CD2AP: variants seen among roughly 807,000 people sequenced by gnomAD.
CD2AP encodes CD2-associated protein.
In CD2AP, 46 loss-of-function variants were observed where a neutral mutation model predicts 85.1. The observed-to-expected ratio is 0.54, with a 90% CI of 0.43 to 0.69. The LOEUF is 0.69. CD2AP is among the 30% of genes least tolerant of loss of function. CD2AP has a pLI of 0.00. For missense variants in CD2AP, 769 were observed against 729.5 expected (o/e 1.05, Z -0.62); for synonymous variants, 255 against 252.9 (o/e 1.01, Z -0.08).
At chr6:47,556,886 T>A (rs990785799) in intron 5 of CD2AP, among the ~76,000 whole-genome samples, 5 of 152,188 alleles carry the variant, frequency 3.3e-5, no homozygotes, top group Admixed American at 6.5e-5. Context: ...TCTAGATCCT[T>A]GAGGAATTGC....
chr6:47,597,007 G>T (rs1464563409), intron 12 of CD2AP, among the ~76,000 whole-genome samples: 2 of 151,430 alleles, frequency 1.3e-5, no homozygotes, highest in Non-Finnish European at 3.0e-5. Flanking sequence ...TTGAAAGCTG[G>T]ATATGTAAAC....
At chr6:47,530,525 C>G (rs1042481223) in intron 2 of CD2AP, among the ~76,000 whole-genome samples, 3 of 152,102 alleles carry the variant, frequency 2.0e-5, no homozygotes, top group Non-Finnish European at 4.4e-5. Flanking sequence ...GTATCAATAA[C>G]TTCTTCATTT....
rs1361258865 is a variant in CD2AP, at chr6:47,625,309, A to G, written c.*1082A>G. ...CGATGTATAATTTACCTAATAGACC[A>G]AACTAACTCATGGAGATATTTTGAA... is the stretch of plus-strand genomic sequence containing the variant. On this transcript the variant is annotated 3_prime_UTR_variant, in exon 18 of 18. Transcript: ENST00000359314. The G allele has an allele frequency of 1.3e-5, 2 of 151,964 alleles. No individual in the cohort carries two copies. The highest frequency in any genetic ancestry group is 2.4e-5 in the African/African-American group (1 of 41,448). 9.4% of individuals were successfully genotyped at this position (151,964 alleles called of 1,614,324 possible).
At chr6:47,552,590 C>T (rs1430837759) in intron 4 of CD2AP, among the ~76,000 whole-genome samples, 1 of 152,100 alleles carries the variant, frequency 6.6e-6, no homozygotes, top group Non-Finnish European at 1.5e-5. Context: ...TATATTTTTG[C>T]AATTGCAGAT....
chr6:47,532,413 AC>A (rs1766911989), intron 2 of CD2AP, among the ~76,000 whole-genome samples: 2 of 87,288 alleles, frequency 2.3e-5, no homozygotes, highest in Admixed American at 2.4e-4. Flanking sequence ...ACACACACAC[AC>A]ACACACAATA....
intron 10 of CD2AP, among the ~76,000 whole-genome samples, chr6:47,581,432 C>T (rs538978699): frequency 2.0e-4 from 31 of 152,142 alleles, no homozygotes; most frequent in Admixed American, 7.2e-4. Context: ...TTTCTATTTC[C>T]TAAAAGATTT....
At position 47,543,230 on chromosome 6, in the gene CD2AP, G is replaced by T. The variant is rs541112898; in HGVS notation, c.320-1376G>T. On this transcript the variant is annotated intron_variant, in intron 3 of 17. Coordinates refer to ENST00000359314, the MANE Select transcript of CD2AP (RefSeq NM_012120.3). ...GCTATTTGGGAGTGTCTTCTAAGCT[G>T]AGAAGTGAAGATGAGTTGAAGGTGG... Among the ~76,000 whole-genome samples the T allele has an allele frequency of 3.3e-5, 5 of 151,302 alleles. No homozygotes were observed. The South Asian group carries it at 6.3e-4, about 19-fold the overall frequency.
At chr6:47,516,481 G>T (rs940173156) in intron 2 of CD2AP, among the ~76,000 whole-genome samples, 1 of 152,208 alleles carries the variant, frequency 6.6e-6, no homozygotes, top group African/African-American at 2.4e-5. Flanking sequence ...CAAAAGAACA[G>T]TAGAACTAGA....
In CD2AP at chr6:47,595,879, A is replaced by C; in HGVS notation, c.1127A>C (p.Glu376Ala). ...PEEKDEKSTL[E>A]QKPSKPAAPQ... ...ATCTTAGATGAAAAATCAACACTGG[A>C]ACAGAAACCTTCTAAACCAGCAGCT... Residue 376 changes from glutamate (E) to alanine (A), a missense_variant, in exon 12 of 18, where the codon GAA becomes GCA. Transcript: ENST00000359314. 1 of 1,612,492 alleles carries C rather than the reference A, an allele frequency of 6.2e-7. No individual in the cohort carries two copies. Among genetic ancestry groups the C allele is most frequent in the Non-Finnish European group, 8.5e-7 (1 of 1,178,866 alleles).
chr6:47,589,579 T>G (rs1768735156), intron 11 of CD2AP, among the ~76,000 whole-genome samples: 1 of 148,830 alleles, frequency 6.7e-6, no homozygotes, highest in Admixed American at 6.7e-5. Flanking sequence ...TATATATATA[T>G]ATTTGTCAGA....
intron 1 of CD2AP, among the ~76,000 whole-genome samples, chr6:47,488,723 CAA>C (rs57570487): frequency 3.7e-5 from 5 of 133,746 alleles, no homozygotes; most frequent in Non-Finnish European, 4.7e-5. Context: ...TCCATCTCTC[CAA>C]AAAAAAAAAA....
intron 17 of CD2AP, among the ~76,000 whole-genome samples, chr6:47,612,764 C>T (rs1769482875): frequency 6.6e-6 from 1 of 152,058 alleles, no homozygotes; most frequent in Non-Finnish European, 1.5e-5. Flanking sequence ...GAAAGAGAAA[C>T]TGCATGTTCC....
chr6:47,587,454 A>G (rs758094493), intron 11 of CD2AP, among the ~76,000 whole-genome samples: 4 of 152,142 alleles, frequency 2.6e-5, no homozygotes, highest in African/African-American at 7.2e-5. Flanking sequence ...TTCTGTCCCA[A>G]GCCACCACGT....
chr6:47,595,747 T>G (rs1366793348), intron 11 of CD2AP, 114 bp from the exon 12 acceptor site: 2 of 773,278 alleles, frequency 2.6e-6, no homozygotes, highest in African/African-American at 3.5e-5. Context: ...ATACAGAGAA[T>G]GAAAGTTCAT....
At chr6:47,563,986 T>A (rs11751578) in intron 5 of CD2AP, among the ~76,000 whole-genome samples, 38,233 of 152,068 alleles carry the variant, frequency 0.25, 5,511 homozygotes, top group East Asian at 0.6. Flanking sequence ...AGATGCTGAT[T>A]GTATTGAAAG....
intron 5 of CD2AP, 81 bp from the exon 6 acceptor site, chr6:47,573,983 A>G (rs546274903): frequency 2.5e-6 from 3 of 1,205,678 alleles, no homozygotes; most frequent in Admixed American, 1.7e-5. Context: ...TAGAAGGCAT[A>G]TAGAATGTAG....
chr6:47,484,370 T>C (rs74487850), intron 1 of CD2AP, among the ~76,000 whole-genome samples: 2,345 of 151,160 alleles, frequency 0.016, 44 homozygotes, highest in African/African-American at 0.038. Context: ...TTTTTTGTTA[T>C]GTTTTGGTTT....
intron 6 of CD2AP, among the ~76,000 whole-genome samples, chr6:47,575,181 G>T (rs536575203): frequency 6.6e-6 from 1 of 152,156 alleles, no homozygotes; most frequent in African/African-American, 2.4e-5. Flanking sequence ...AGGATTGTGG[G>T]GTCAAATTGA....
At chr6:47,597,015 A>G (rs1768970093) in intron 12 of CD2AP, among the ~76,000 whole-genome samples, 1 of 151,528 alleles carries the variant, frequency 6.6e-6, no homozygotes, top group East Asian at 1.9e-4. Context: ...TGGATATGTA[A>G]ACAAAGATCA....
Sources: gnomAD v4.1 joint callset for allele counts (sites outside exome capture counted in the v4.1 genomes callset) on GRCh38, gnomAD v4.1.1 for gene constraint, MANE v1.5 for transcripts, NCBI Gene and HGNC (gene_info 2026-07-23, HGNC 2026-07-21) for gene names.